PTPRD: variants seen among roughly 807,000 people sequenced by gnomAD.
The protein encoded by PTPRD is protein tyrosine phosphatase receptor type D.
A neutral mutation model predicts 214.5 loss-of-function variants in PTPRD; 34 were observed. That is an observed-to-expected ratio of 0.16 (90% CI 0.12 to 0.21). The LOEUF is 0.21. Ranked by LOEUF, PTPRD falls within the 10% of genes least tolerant of loss-of-function variation. The probability of loss-of-function intolerance (pLI) is 1.00; values close to 1 mark genes in which losing one functional copy is unlikely to be tolerated. For synonymous variants in PTPRD, 1,128 were observed against 845.7 expected, an observed-to-expected ratio of 1.33 and a Z score of -5.79; for missense variants, 2,545 against 2,398.7, an observed-to-expected ratio of 1.06 and a Z score of -1.27.
At chr9:10,151,039 T>C in intron 3 of PTPRD, among the ~76,000 whole-genome samples, 2 of 148,894 alleles carry the variant, frequency 1.3e-5, no homozygotes, top group Non-Finnish European at 3.0e-5. Flanking sequence ...GAGTGTATAC[T>C]TTCTAGACTT....
chr9:10,054,933 G>C (rs2154158405), intron 3 of PTPRD, among the ~76,000 whole-genome samples: 1 of 152,120 alleles, frequency 6.6e-6, no homozygotes, highest in South Asian at 2.1e-4. Flanking sequence ...ATTAGGTTTA[G>C]ACGATGTCAT....
At chr9:8,668,564 G>GC (rs2097214513) in intron 12 of PTPRD, among the ~76,000 whole-genome samples, 1 of 152,108 alleles carries the variant, frequency 6.6e-6, no homozygotes, top group Non-Finnish European at 1.5e-5. Context: ...CTAAGAGACT[G>GC]CATCAAAACA....
chr9:9,891,676 T>C (rs983152517), intron 5 of PTPRD, among the ~76,000 whole-genome samples: 2 of 152,072 alleles, frequency 1.3e-5, no homozygotes, highest in Non-Finnish European at 2.9e-5. Flanking sequence ...CACAGATCAC[T>C]GGTCAAATAT....
intron 14 of PTPRD, among the ~76,000 whole-genome samples, chr9:8,534,518 T>A (rs1442474952): frequency 6.6e-6 from 1 of 151,902 alleles, no homozygotes; most frequent in Non-Finnish European, 1.5e-5. Flanking sequence ...TGATTTCTTT[T>A]CTTTGACGGG....
At chr9:9,875,307 A>G (rs918760095) in intron 5 of PTPRD, among the ~76,000 whole-genome samples, 4 of 152,146 alleles carry the variant, frequency 2.6e-5, no homozygotes, top group African/African-American at 9.6e-5. Context: ...TTGCTAAATT[A>G]CTGAGGAAAA....
At chr9:10,042,596 C>T (rs1471806232) in intron 3 of PTPRD, among the ~76,000 whole-genome samples, 1 of 151,898 alleles carries the variant, frequency 6.6e-6, no homozygotes, top group African/African-American at 2.4e-5. Context: ...ACTACTAACA[C>T]ATTAGTGTTG....
intron 12 of PTPRD, among the ~76,000 whole-genome samples, chr9:8,690,517 A>C (rs1369629603): frequency 2.2e-5 from 3 of 133,840 alleles, no homozygotes; most frequent in Non-Finnish European, 4.6e-5. Flanking sequence ...CGACAGAGCA[A>C]GACTCCGTCT....
chr9:9,500,414 C>T (rs2096369843), intron 8 of PTPRD, among the ~76,000 whole-genome samples: 1 of 152,062 alleles, frequency 6.6e-6, no homozygotes, highest in East Asian at 1.9e-4. Context: ...GCAGAATTTT[C>T]CTGATAGCAG....
At chr9:8,536,643 GC>G (rs956867395) in intron 14 of PTPRD, among the ~76,000 whole-genome samples, 5 of 151,866 alleles carry the variant, frequency 3.3e-5, no homozygotes, top group African/African-American at 1.2e-4. Flanking sequence ...TATACCTTTA[GC>G]CCTTCTGTAA....
At chr9:10,560,280 T>C (rs918689632) in intron 2 of PTPRD, among the ~76,000 whole-genome samples, 4 of 151,898 alleles carry the variant, frequency 2.6e-5, no homozygotes, top group Non-Finnish European at 4.4e-5. Flanking sequence ...AAATTGGAAA[T>C]CATCATTCTC....
chr9:8,566,029 T>A (rs1169800915), intron 14 of PTPRD, among the ~76,000 whole-genome samples: 1 of 151,646 alleles, frequency 6.6e-6, no homozygotes, highest in African/African-American at 2.4e-5. Flanking sequence ...TAAGCTGGTA[T>A]AGAACAAAAT....
chr9:10,295,974 G>T (rs192825807), intron 3 of PTPRD, among the ~76,000 whole-genome samples: 1 of 152,122 alleles, frequency 6.6e-6, no homozygotes. Context: ...CATTTTCTCA[G>T]TGTAAGGTTC....
intron 2 of PTPRD, among the ~76,000 whole-genome samples, chr9:10,504,966 T>A (rs760482145): frequency 6.6e-6 from 1 of 152,150 alleles, no homozygotes; most frequent in Non-Finnish European, 1.5e-5. Flanking sequence ...TGCTACAACA[T>A]TGGCTCTACA....
At chr9:10,595,379 T>A (rs1004468038) in intron 2 of PTPRD, among the ~76,000 whole-genome samples, 5 of 151,898 alleles carry the variant, frequency 3.3e-5, no homozygotes, top group Non-Finnish European at 5.9e-5. Flanking sequence ...AAATAGCCAA[T>A]AATTACTTCC....
intron 7 of PTPRD, among the ~76,000 whole-genome samples, chr9:9,643,928 G>T (rs965714851): frequency 6.6e-6 from 1 of 152,000 alleles, no homozygotes; most frequent in African/African-American, 2.4e-5. Context: ...TATACTCATA[G>T]GCATTTCAAT....
chr9:9,200,421 A>G (rs1018261183), intron 9 of PTPRD, among the ~76,000 whole-genome samples: 1 of 152,196 alleles, frequency 6.6e-6, no homozygotes, highest in Non-Finnish European at 1.5e-5. Flanking sequence ...TCATGTAGGT[A>G]TTAAATTTCT....
At chr9:9,959,717 C>G (rs1229415381) in intron 4 of PTPRD, among the ~76,000 whole-genome samples, 3 of 152,052 alleles carry the variant, frequency 2.0e-5, no homozygotes, top group Admixed American at 2.0e-4. Context: ...CCACAGGGTA[C>G]AGGTTAACAA....
chr9:10,322,289 AT>A (rs1233657342), intron 3 of PTPRD, among the ~76,000 whole-genome samples: 2 of 152,076 alleles, frequency 1.3e-5, no homozygotes, highest in Non-Finnish European at 2.9e-5. Context: ...GCATAAAAAA[AT>A]AAAAGTGAAG....
chr9:10,431,155 C>A (rs555370323), intron 2 of PTPRD, among the ~76,000 whole-genome samples: 2 of 152,004 alleles, frequency 1.3e-5, no homozygotes, highest in African/African-American at 4.8e-5. Flanking sequence ...TATTGATTCT[C>A]TCCTTTTATT....
Sources: gnomAD v4.1 joint callset for allele counts (sites outside exome capture counted in the v4.1 genomes callset) on GRCh38, gnomAD v4.1.1 for gene constraint, MANE v1.5 for transcripts, NCBI Gene and HGNC (gene_info 2026-07-23, HGNC 2026-07-21) for gene names.